Variants in ERBB2 observed in about 807,000 individuals in gnomAD.
ERBB2 encodes erb-b2 receptor tyrosine kinase 2, also known as receptor tyrosine-protein kinase erbB-2.
Under a neutral mutation model 149.0 loss-of-function variants are expected in ERBB2, and 61 were observed. The observed-to-expected ratio is 0.41, with a 90% CI of 0.33 to 0.51. ERBB2 has a LOEUF of 0.51. ERBB2 is among the 20% of genes least tolerant of loss of function. The pLI is 0.25. For synonymous variants in ERBB2, 633 were observed against 678.8 expected (o/e 0.93, Z 1.05); for missense variants, 1,205 against 1,655.1 (o/e 0.73, Z 4.72).
chr17:39,716,749 AAC>A, intron 14 of ERBB2, 144 bp downstream of exon 14: 1 of 743,890 alleles, frequency 1.3e-6, no homozygotes, highest in Non-Finnish European at 2.3e-6. Flanking sequence ...CCTGAACAGC[AAC>A]AGAGTGGCAG....
rs1309624280 is a variant in ERBB2 at position 39,726,446 on chromosome 17, A to G, written c.2873-116A>G. Reference sequence around the variant, plus strand: ...TCTGGTGCTACTTCTCTACCACCTGAGGGCTTTGGGCTGTCCCTTGGGACT... The same window carrying G: ...TCTGGTGCTACTTCTCTACCACCTGGGGGCTTTGGGCTGTCCCTTGGGACT... On this transcript the variant is annotated intron_variant, in intron 23 of 26. Transcript: ENST00000269571. The surrounding 1 kb of genome is among the most constrained non-coding windows in gnomAD (Gnocchi z 5.1). The G allele has an allele frequency of 1.3e-6, 1 of 781,042 alleles. No homozygotes were observed. The highest frequency in any genetic ancestry group is 2.2e-6 in the Non-Finnish European group (1 of 448,472). The allele number at this position is 781,042 out of a possible 1,614,324, so 48.4% of individuals were successfully genotyped here.
chr17:39,722,675 A>G (rs994126740), intron 16 of ERBB2, among the ~76,000 whole-genome samples: 3 of 151,886 alleles, frequency 2.0e-5, no homozygotes, highest in Non-Finnish European at 4.4e-5. Context: ...TTGGTTTATC[A>G]GGACGTAGCC....
chr17:39,696,677 G>A (rs907783460), upstream of ERBB2: 1 of 152,198 alleles, frequency 6.6e-6, no homozygotes, highest in East Asian at 1.9e-4. Flanking sequence ...TGCAAAATGG[G>A]GAATGATAAC....
At position 39,688,122 on chromosome 17, in the gene ERBB2, C is replaced by T. The variant is rs77251976; in HGVS notation, c.-538C>T. The T allele has an allele frequency of 7.7e-5, 82 of 1,068,578 alleles. 1 individual carries two copies. In the East Asian group the frequency reaches 2.4e-3, roughly 32 times the overall value. 66.2% of individuals were successfully genotyped at this position (1,068,578 alleles called of 1,614,324 possible). A position where few individuals can be genotyped will look rare whatever the true frequency, so the allele number is the denominator to read the frequency against. On this transcript the variant is annotated 5_prime_UTR_variant, in exon 1 of 18. Coordinates refer to the ERBB2 transcript ENST00000578199. ...CTTTATTCTACTCTCCGCTGAAGTCCACACAGTTTAAATTAAAGTTCCCGG... is the reference window on the plus strand; with the variant it reads ...CTTTATTCTACTCTCCGCTGAAGTCTACACAGTTTAAATTAAAGTTCCCGG...
upstream of ERBB2, among the ~76,000 whole-genome samples, chr17:39,694,257 A>G (rs1597842100): frequency 6.9e-5 from 2 of 28,888 alleles, no homozygotes; most frequent in African/African-American, 1.0e-4. Flanking sequence ...ATATATATAT[A>G]TATATATATA....
rs759962444 is a variant in ERBB2, at chr17:39,709,310, C to A, written c.440-8C>A. 3 of 1,613,964 alleles carry A rather than the reference C, an allele frequency of 1.9e-6. No individual in the cohort carries two copies. Among genetic ancestry groups the A allele is most frequent in the Non-Finnish European group, 2.5e-6 (3 of 1,179,976 alleles). On this transcript the variant is annotated splice_polypyrimidine_tract_variant and splice_region_variant and intron_variant, in intron 3 of 26. Transcript: ENST00000269571. Reference sequence around the variant, plus strand: ...GAAAGGGTCCTCTGATCATTGCTCACCCCACAGAGATCTTGAAAGGAGGGG... The same window carrying A: ...GAAAGGGTCCTCTGATCATTGCTCAACCCACAGAGATCTTGAAAGGAGGGG...
At chr17:39,699,891 C>A, upstream of ERBB2, 1 of 761,012 alleles carries the variant, frequency 1.3e-6, no homozygotes, top group Non-Finnish European at 1.8e-6. Context: ...GCACCCAGGC[C>A]TGCGCGAAGA....
chr17:39,708,523 G>A lies in ERBB2; in HGVS notation c.428G>A (p.Arg143Gln), dbSNP rs185670819. The stretch of plus-strand genomic sequence containing the variant: ...GGAGGCCTGCGGGAGCTGCAGCTTC[G>A]AAGCCTCACAGGTGGCCTTCACCGT... ...SPGGLRELQL[R>Q]SLTEILKGGV... The change falls in exon 3 of 27, where the codon CGA (arginine) becomes CAA (glutamine). Residue 143 changes from arginine (R) to glutamine (Q), a missense_variant. Arg to Gln is a conservative substitution (Grantham distance 43). Around this residue, in one of 6 missense-constraint regions of ERBB2, gnomAD observed 569 missense variants for 803.5 expected, o/e 0.71. Transcript: ENST00000269571. 561 of 1,613,836 alleles carry A rather than the reference G, an allele frequency of 3.5e-4. 3 individuals are homozygous for A. In the East Asian group the frequency reaches 0.012, roughly 33 times the overall value.
intron 1 of ERBB2, among the ~76,000 whole-genome samples, chr17:39,702,114 G>A (rs1159138785): frequency 6.6e-6 from 1 of 152,118 alleles, no homozygotes; most frequent in African/African-American, 2.4e-5. Flanking sequence ...GCACAGCCTG[G>A]GCAACAAGGC....
chr17:39,711,394 G>A (rs4252624), intron 7 of ERBB2, among the ~76,000 whole-genome samples: 73 of 152,220 alleles, frequency 4.8e-4, no homozygotes, highest in African/African-American at 1.7e-3. Context: ...GTTTCACTAT[G>A]TTGGCCAAGC....
In ERBB2 at chr17:39,705,574, CTT is replaced by C. The variant is rs544460173; in HGVS notation, c.74-1414_74-1413del. Among the ~76,000 whole-genome samples the C allele has an allele frequency of 2.8e-4, 43 of 152,284 alleles. No individual in the cohort carries two copies. The South Asian group carries it at 8.9e-3, about 32-fold the overall frequency. On this transcript the variant is annotated intron_variant, in intron 1 of 26. Coordinates refer to ENST00000269571, the MANE Select transcript of ERBB2 (RefSeq NM_004448.4). ...CTGTTCCTCCCTCCTGTTCCTCCCTCTTTGTCCTTATCTGCCTAGAGAGGTGG... is the reference window on the plus strand; with the variant it reads ...CTGTTCCTCCCTCCTGTTCCTCCCTCTGTCCTTATCTGCCTAGAGAGGTGG...
intron 7 of ERBB2, among the ~76,000 whole-genome samples, chr17:39,710,722 C>G (rs2058746963): frequency 6.6e-6 from 1 of 152,216 alleles, no homozygotes; most frequent in African/African-American, 2.4e-5. Context: ...AATTAGTAGG[C>G]ACGTGACCCT....
In ERBB2 at chr17:39,708,312, C is replaced by T. The variant is rs768943358; in HGVS notation, c.226-9C>T. 1.2e-6 allele frequency: 2 copies of T among 1,609,246 alleles called. No individual in the cohort carries two copies. Among genetic ancestry groups the T allele is most frequent in the African/African-American group, 2.7e-5 (2 of 74,882 alleles). ...CCTATTTCAGCCCCACTCTGCTTCC[C>T]CCTCCCAGGATATCCAGGAGGTGCA... On this transcript the variant is annotated splice_polypyrimidine_tract_variant and intron_variant, in intron 2 of 26. Coordinates refer to ENST00000269571, the MANE Select transcript of ERBB2 (RefSeq NM_004448.4).
At chr17:39,691,928 C>CATATATATATATAT (rs1459402681), upstream of ERBB2, among the ~76,000 whole-genome samples, 4 of 93,638 alleles carry the variant, frequency 4.3e-5, no homozygotes, top group African/African-American at 1.5e-4. Context: ...TATACATATA[C>CATATATATATATAT]ATATACATAT....
upstream of ERBB2, among the ~76,000 whole-genome samples, chr17:39,694,303 G>GTATATATATATA (rs371746832): frequency 1.3e-5 from 1 of 75,764 alleles, no homozygotes; most frequent in African/African-American, 5.1e-5. Flanking sequence ...ATATATATGT[G>GTATATATATATA]TATATATATA....
chr17:39,723,893 T>C lies in ERBB2; in HGVS notation c.2209-19T>C. ...CCAGCCCACGCTCTTCTCACTCATA[T>C]CCTCCTCTTTCTGCCCAGGGCATCT... On this transcript the variant is annotated intron_variant, in intron 18 of 26. Coordinates refer to ENST00000269571, the MANE Select transcript of ERBB2 (RefSeq NM_004448.4). This position sits in a 1 kb window ranked among gnomAD's most constrained non-coding sequence, Gnocchi z 6.2. The C allele has an allele frequency of 6.2e-7, 1 of 1,602,122 alleles. No homozygotes were observed. The highest frequency in any genetic ancestry group is 8.6e-7 in the Non-Finnish European group (1 of 1,169,254).
At position 39,728,503 on chromosome 17, in the gene ERBB2, A is replaced by C. The variant is rs770027275; in HGVS notation, c.*459A>C. 8.3e-6 allele frequency: 2 copies of C among 241,410 alleles called. No homozygotes were observed. The highest frequency in any genetic ancestry group is 5.6e-5 in the Admixed American group (1 of 18,008). 15.0% of individuals were successfully genotyped at this position (241,410 alleles called of 1,614,324 possible). On this transcript the variant is annotated 3_prime_UTR_variant, in exon 27 of 27. Transcript: ENST00000269571. ...TGGTGTCAGTATCCAGGCTTTGTAC[A>C]GAGTGCTTTTCTGTTTAGTTTTTAC...
upstream of ERBB2, among the ~76,000 whole-genome samples, chr17:39,698,524 G>C (rs888178512): frequency 6.6e-6 from 1 of 152,150 alleles, no homozygotes; most frequent in Non-Finnish European, 1.5e-5. Flanking sequence ...CTCCCAAAGT[G>C]CTGGAATTAC....
chr17:39,715,665 G>A, intron 11 of ERBB2, 75 bp from the exon 12 acceptor site: 4 of 1,571,186 alleles, frequency 2.5e-6, no homozygotes, highest in South Asian at 1.1e-5. Context: ...AGTGTGCTGG[G>A]GATGGAGGAA....
Sources: allele counts gnomAD v4.1 joint callset (sites outside exome capture counted in the v4.1 genomes callset), GRCh38; gene constraint gnomAD v4.1.1; regional missense constraint gnomAD v4.1.1; non-coding constraint Gnocchi (gnomAD v3.1); transcripts MANE v1.5; gene names NCBI Gene and HGNC (gene_info 2026-07-23, HGNC 2026-07-21).